Variants in ATF2 observed in about 807,000 individuals in gnomAD.
ATF2 encodes activating transcription factor 2.
Under a neutral mutation model 60.6 loss-of-function variants are expected in ATF2, and 24 were observed. The ratio of observed to expected loss-of-function variants is 0.40; its 90% confidence interval spans 0.29 to 0.56. The LOEUF (loss-of-function observed/expected upper bound fraction) is 0.56, where lower values mean the gene tolerates loss of function less well. ATF2 is among the 20% of genes least tolerant of loss of function. ATF2 has a pLI of 0.54. For missense variants in ATF2, 433 were observed against 607.7 expected (o/e 0.71, Z 3.02); for synonymous variants, 206 against 215.4 (o/e 0.96, Z 0.38).
intron 3 of ATF2, among the ~76,000 whole-genome samples, chr2:175,133,612 T>A (rs1011748261): frequency 6.6e-6 from 1 of 152,336 alleles, no homozygotes; most frequent in African/African-American, 2.4e-5. Context: ...GGACTTTTCG[T>A]GACCTTAATG....
chr2:175,073,633 G>A lies in ATF2; in HGVS notation c.*976C>T, dbSNP rs1693085962. The A allele has an allele frequency of 6.6e-6, 1 of 151,946 alleles. No homozygotes were observed. Among genetic ancestry groups the A allele is most frequent in the South Asian group, 2.1e-4 (1 of 4,820 alleles). 9.4% of individuals were successfully genotyped at this position (151,946 alleles called of 1,614,324 possible). ...CAGTGCTTTCACAAGAATAGTACAA[G>A]TTAGCTCGCAAGTACAAGACAATGG... On this transcript the variant is annotated 3_prime_UTR_variant, in exon 14 of 14. Transcript: ENST00000264110.
chr2:175,135,765 G>A (rs975078106), intron 3 of ATF2, among the ~76,000 whole-genome samples: 4 of 152,026 alleles, frequency 2.6e-5, no homozygotes, highest in Admixed American at 6.6e-5. Flanking sequence ...TTTAAATTTC[G>A]ATTTAAAAGT....
intron 12 of ATF2, among the ~76,000 whole-genome samples, chr2:175,085,933 T>C (rs1153686): frequency 0.097 from 14,800 of 152,252 alleles, 809 homozygotes; most frequent in Middle Eastern, 0.17. Context: ...TGTTACTCTT[T>C]GTTTTAAAAA....
intron 12 of ATF2, chr2:175,092,656 A>G (rs575027115): frequency 4.7e-6 from 2 of 427,286 alleles, no homozygotes; most frequent in Admixed American, 5.9e-5. Flanking sequence ...TATAATTCAA[A>G]GAATGAAATA....
intron 1 of ATF2, among the ~76,000 whole-genome samples, chr2:175,160,909 G>GT (rs1388794479): frequency 6.6e-6 from 1 of 152,064 alleles, no homozygotes; most frequent in East Asian, 1.9e-4. Flanking sequence ...GTGGTGGCAT[G>GT]TGAGTGTGGT....
intron 1 of ATF2, among the ~76,000 whole-genome samples, chr2:175,152,960 C>T (rs574522232): frequency 9.9e-5 from 15 of 152,240 alleles, no homozygotes; most frequent in South Asian, 4.1e-4. Flanking sequence ...AGTATGGCTT[C>T]GGGTTTTCCT....
chr2:175,155,574 G>C (rs935342584), intron 1 of ATF2, among the ~76,000 whole-genome samples: 4 of 152,094 alleles, frequency 2.6e-5, no homozygotes, highest in Admixed American at 1.3e-4. Flanking sequence ...AGGGAGTTCC[G>C]CAAGAATGAA....
intron 10 of ATF2, among the ~76,000 whole-genome samples, chr2:175,106,807 G>A (rs1205402): frequency 0.094 from 14,263 of 152,216 alleles, 714 homozygotes; most frequent in Middle Eastern, 0.17. Context: ...CTGCACTCCA[G>A]CCTGGGCGAC....
At chr2:175,159,025 A>T (rs1205797991) in intron 1 of ATF2, among the ~76,000 whole-genome samples, 1 of 152,218 alleles carries the variant, frequency 6.6e-6, no homozygotes, top group East Asian at 1.9e-4. Flanking sequence ...TGACTTTTAG[A>T]TAAGAGTTTT....
chr2:175,112,955 G>C lies in ATF2; in HGVS notation c.741+1039C>G, dbSNP rs114655788. ...TGATCAGTAACAAGCATCTTAGAAG[G>C]TAAAAGAAAAAACTATCTTTTTATT... On this transcript the variant is annotated intron_variant, in intron 9 of 13. Coordinates refer to ENST00000264110, the MANE Select transcript of ATF2 (RefSeq NM_001880.4). 5.2e-3 allele frequency among the ~76,000 whole-genome samples: 792 copies of C among 152,184 alleles called. 4 individuals carry two copies. Among genetic ancestry groups the C allele is most frequent in the African/African-American group, 0.018 (745 of 41,508 alleles).
intron 1 of ATF2, among the ~76,000 whole-genome samples, chr2:175,155,218 T>G (rs564449730): frequency 6.6e-6 from 1 of 152,288 alleles, no homozygotes; most frequent in South Asian, 2.1e-4. Context: ...ATTCTCCCAC[T>G]TTTCACAAGA....
chr2:175,088,361 G>A (rs1431688656), intron 12 of ATF2, among the ~76,000 whole-genome samples: 1 of 152,030 alleles, frequency 6.6e-6, no homozygotes, highest in Non-Finnish European at 1.5e-5. Context: ...TATTTCAAGT[G>A]ATAAATACTG....
At chr2:175,147,723 A>G (rs564863915) in intron 2 of ATF2, among the ~76,000 whole-genome samples, 16 of 152,222 alleles carry the variant, frequency 1.1e-4, no homozygotes, top group Non-Finnish European at 2.2e-4. Context: ...AAAGAATAAG[A>G]CATAGTCCCT....
At chr2:175,160,043 T>C (rs986714700) in intron 1 of ATF2, among the ~76,000 whole-genome samples, 4 of 152,188 alleles carry the variant, frequency 2.6e-5, no homozygotes, top group African/African-American at 9.6e-5. Context: ...ATCACCATTA[T>C]GAAAAATACA....
At chr2:175,089,692 T>C (rs1163417571) in intron 12 of ATF2, among the ~76,000 whole-genome samples, 2 of 152,202 alleles carry the variant, frequency 1.3e-5, no homozygotes, top group African/African-American at 2.4e-5. Flanking sequence ...AATCTGTCAC[T>C]TTTAAAAAAC....
intron 3 of ATF2, chr2:175,132,899 A>T (rs1325906265): frequency 6.6e-6 from 1 of 152,242 alleles, no homozygotes; most frequent in Non-Finnish European, 1.5e-5. Context: ...AAGCCTGGCC[A>T]ACATGGTGAA....
chr2:175,145,114 TATATGCACGC>T (rs1448519614), intron 2 of ATF2, among the ~76,000 whole-genome samples: 1 of 152,202 alleles, frequency 6.6e-6, no homozygotes, highest in African/African-American at 2.4e-5. Context: ...TGTTAATGTG[TATATGCACGC>T]ATATGTGGTC....
At chr2:175,136,025 T>A (rs549238537) in intron 3 of ATF2, among the ~76,000 whole-genome samples, 14,676 of 150,444 alleles carry the variant, frequency 0.098, 822 homozygotes, top group Middle Eastern at 0.18. Flanking sequence ...GTTTTTTTTT[T>A]TTTTTTTTGG....
chr2:175,110,337 A>AAAATAAATAAATAAATAAATAAATAAAT lies in ATF2; in HGVS notation c.828+1230_828+1231insATTTATTTATTTATTTATTTATTTATTT, dbSNP rs77063696. On this transcript the variant is annotated intron_variant, in intron 10 of 13. Transcript: ENST00000264110. ...GTGAGAGAGCGAGACTCCATCTCAA[A>AAAATAAATAAATAAATAAATAAATAAAT]AAATAAATAAATAAATAAATTCAGC... 1.4e-3 allele frequency among the ~76,000 whole-genome samples: 217 copies of AAAATAAATAAATAAATAAATAAATAAAT among 150,876 alleles called. 1 individual carries two copies. Among genetic ancestry groups the AAAATAAATAAATAAATAAATAAATAAAT allele is most frequent in the African/African-American group, 5.1e-3 (209 of 40,706 alleles).
Sources: gnomAD v4.1 joint callset for allele counts (sites outside exome capture counted in the v4.1 genomes callset) on GRCh38, gnomAD v4.1.1 for gene constraint, MANE v1.5 for transcripts, NCBI Gene and HGNC (gene_info 2026-07-23, HGNC 2026-07-21) for gene names.